Variants in DZANK1 observed in about 807,000 individuals in gnomAD.
DZANK1 encodes double zinc ribbon and ankyrin repeat-containing protein 1.
A neutral mutation model predicts 94.5 loss-of-function variants in DZANK1; 91 were observed. The observed-to-expected ratio is 0.96, with a 90% confidence interval of 0.81 to 1.15. The LOEUF (loss-of-function observed/expected upper bound fraction) is 1.15. Ranked by LOEUF, DZANK1 falls within the 50% of genes most tolerant of loss-of-function variation. DZANK1 has a pLI of 0.00. For synonymous variants in DZANK1, 312 were observed against 325.3 expected (o/e 0.96, Z 0.44); for missense variants, 903 against 916.4 (o/e 0.99, Z 0.19).
chr20:18,398,424 AAGGAGCCAGGCAAGATGC>A (rs2056481317), intron 14 of DZANK1, 81 bp downstream of exon 14: 1 of 1,049,012 alleles, frequency 9.5e-7, no homozygotes, highest in Admixed American at 1.8e-5. Context: ...AGGAAAGGGA[AAGGAGCCAGGCAAGATGC>A]AGTTTCAGGC....
chr20:18,455,200 A>G lies in DZANK1; in HGVS notation c.378+47T>C, dbSNP rs1276427416. ...AGATCTGCTCACTGAGAAAGAAGGA[A>G]CCAAAATACAGTGACAATCTGAATG... On this transcript the variant is annotated intron_variant, in intron 4 of 20. Coordinates refer to ENST00000262547, the Ensembl canonical transcript of DZANK1. 3 of 1,462,476 alleles carry G rather than the reference A, an allele frequency of 2.1e-6. No homozygotes were observed. The Admixed American group carries it at 6.0e-5, about 29-fold the overall frequency. The allele number at this position is 1,462,476 out of a possible 1,614,324, so 90.6% of individuals were successfully genotyped here. A position where few individuals can be genotyped will look rare whatever the true frequency, so the allele number is the denominator to read the frequency against.
intron 6 of DZANK1, among the ~76,000 whole-genome samples, chr20:18,450,192 T>C (rs890612090): frequency 2.0e-5 from 3 of 152,216 alleles, no homozygotes; most frequent in Non-Finnish European, 4.4e-5. Context: ...AACTTAGGAC[T>C]ACAGGCTCTA....
At chr20:18,448,886 A>AAT in intron 7 of DZANK1, 98 bp downstream of exon 7, 5 of 776,000 alleles carry the variant, frequency 6.4e-6, no homozygotes, top group Non-Finnish European at 1.0e-5. Context: ...AAAAAAAAAA[A>AAT]GTTGGAGGTG....
rs750742743 is a variant in DZANK1, at chr20:18,449,063, C to T, written c.550G>A (p.Gly184Ser). 7.8e-5 allele frequency: 126 copies of T among 1,613,450 alleles called. No homozygotes were observed. The Admixed American group carries it at 1.5e-3, about 19-fold the overall frequency. ...TTCTGACCGCTTACGTGTGCAAAAC[C>T]GGGGGACTAAAATTAAGAATATAGG... The change falls in exon 7 of 21, where the codon GGT becomes AGT. Residue 184 changes from glycine to serine, a missense_variant. Coordinates refer to ENST00000262547, the Ensembl canonical transcript of DZANK1.
At chr20:18,452,154 T>C (rs2059126393) in intron 6 of DZANK1, among the ~76,000 whole-genome samples, 1 of 152,012 alleles carries the variant, frequency 6.6e-6, no homozygotes, top group Admixed American at 6.6e-5. Context: ...TGGGGATTGG[T>C]TTGAAGCTCT....
At chr20:18,434,603 A>C (rs139357922) in intron 8 of DZANK1, among the ~76,000 whole-genome samples, 1 of 152,050 alleles carries the variant, frequency 6.6e-6, no homozygotes, top group East Asian at 1.9e-4. Context: ...TCAAAAAGCA[A>C]CCACTTCAGC....
chr20:18,440,590 G>A (rs962306087), intron 8 of DZANK1, among the ~76,000 whole-genome samples: 5 of 152,130 alleles, frequency 3.3e-5, no homozygotes, highest in African/African-American at 1.2e-4. Flanking sequence ...TCCCTAGAAT[G>A]CAACAGGTGG....
At chr20:18,418,467 A>G (rs1314003790) in intron 10 of DZANK1, among the ~76,000 whole-genome samples, 2 of 152,164 alleles carry the variant, frequency 1.3e-5, no homozygotes, top group Non-Finnish European at 2.9e-5. Flanking sequence ...TGGAGACCAA[A>G]CTTTCTGTCC....
intron 13 of DZANK1, among the ~76,000 whole-genome samples, chr20:18,403,328 C>T (rs978351088): frequency 6.6e-6 from 1 of 152,216 alleles, no homozygotes; most frequent in African/African-American, 2.4e-5. Context: ...TACAGCTGCA[C>T]ATGCTCTGTT....
At chr20:18,442,290 CA>C (rs2058736971) in intron 8 of DZANK1, among the ~76,000 whole-genome samples, 1 of 151,968 alleles carries the variant, frequency 6.6e-6, no homozygotes, top group Non-Finnish European at 1.5e-5. Flanking sequence ...GGTATCGCAC[CA>C]ACTAGTATAA....
At chr20:18,463,554 G>A (rs1341159954) in intron 2 of DZANK1, among the ~76,000 whole-genome samples, 1 of 152,040 alleles carries the variant, frequency 6.6e-6, no homozygotes, top group Non-Finnish European at 1.5e-5. Context: ...TTTCTTCTGG[G>A]TTACTGTTCT....
intron 17 of DZANK1, 59 bp from the exon 18 acceptor site, chr20:18,390,518 CACTT>C (rs1253910051): frequency 2.7e-6 from 4 of 1,499,204 alleles, no homozygotes; most frequent in East Asian, 2.3e-5. Context: ...TCAAGGCAAA[CACTT>C]TCTTTCCAAC....
At position 18,396,453 on chromosome 20, in the gene DZANK1, C is replaced by T; in HGVS notation, c.1611+19G>A. 2.5e-6 allele frequency: 4 copies of T among 1,596,756 alleles called. No homozygotes were observed. The Middle Eastern group carries it at 5.0e-4, about 199-fold the overall frequency. ...AATCGGTCAGTTCTCAAATGAATAACTTCTGGAGGCTTACTCACCTTGTTT... is the reference window on the plus strand; with the variant it reads ...AATCGGTCAGTTCTCAAATGAATAATTTCTGGAGGCTTACTCACCTTGTTT... On this transcript the variant is annotated intron_variant, in intron 15 of 20. Transcript: ENST00000262547.
At chr20:18,453,378 C>G (rs901459275) in intron 5 of DZANK1, among the ~76,000 whole-genome samples, 2 of 152,114 alleles carry the variant, frequency 1.3e-5, no homozygotes, top group African/African-American at 4.8e-5. Context: ...CCCTTCACAC[C>G]CAGACCAGCT....
intron 8 of DZANK1, among the ~76,000 whole-genome samples, chr20:18,435,583 C>T (rs907752595): frequency 6.6e-6 from 1 of 151,792 alleles, no homozygotes; most frequent in Non-Finnish European, 1.5e-5. Context: ...CATCACACAC[C>T]GGGGTCTGTC....
chr20:18,439,439 A>G (rs542657574), intron 8 of DZANK1, among the ~76,000 whole-genome samples: 2 of 152,244 alleles, frequency 1.3e-5, no homozygotes, highest in African/African-American at 4.8e-5. Context: ...TAGCTACATG[A>G]CCTAGCATTT....
intron 3 of DZANK1, among the ~76,000 whole-genome samples, chr20:18,456,282 C>T (rs1265508166): frequency 2.0e-5 from 3 of 152,156 alleles, no homozygotes; most frequent in African/African-American, 7.2e-5. Flanking sequence ...TAATATTTCA[C>T]AATTCATCTT....
intron 8 of DZANK1, among the ~76,000 whole-genome samples, chr20:18,438,789 G>A (rs537118957): frequency 2.8e-3 from 421 of 152,344 alleles, no homozygotes; most frequent in South Asian, 0.022. Flanking sequence ...TCAGTATCAG[G>A]TGAGGGCTTG....
intron 9 of DZANK1, chr20:18,433,011 C>T (rs936431216): frequency 1.3e-5 from 2 of 152,078 alleles, no homozygotes; most frequent in Non-Finnish European, 2.9e-5. Flanking sequence ...AAAGTATGAG[C>T]CACTTTAAGG....
Sources: allele counts gnomAD v4.1 joint callset (sites outside exome capture counted in the v4.1 genomes callset), GRCh38; gene constraint gnomAD v4.1.1; transcripts MANE v1.5; gene names NCBI Gene and HGNC (gene_info 2026-07-23, HGNC 2026-07-21).